Variants in SGK3 observed in about 807,000 individuals in gnomAD.
SGK3 encodes serine/threonine-protein kinase Sgk3.
In SGK3, 47 loss-of-function variants were observed where a neutral mutation model predicts 68.5. The observed-to-expected ratio is 0.69, with a 90% confidence interval of 0.54 to 0.87. The LOEUF is 0.87. SGK3 is among the 40% of genes least tolerant of loss of function. SGK3 has a pLI of 0.00. For synonymous variants in SGK3, 181 were observed against 189.1 expected (o/e 0.96, Z 0.35); for missense variants, 479 against 575.5 (o/e 0.83, Z 1.72).
intron 1 of SGK3, among the ~76,000 whole-genome samples, chr8:66,739,128 G>A (rs1161668137): frequency 6.6e-6 from 1 of 152,178 alleles, no homozygotes; most frequent in Non-Finnish European, 1.5e-5. Flanking sequence ...AAAGAAAAGA[G>A]AAACCTCTTT....
intron 1 of SGK3, among the ~76,000 whole-genome samples, chr8:66,747,023 T>A (rs1004774250): frequency 6.6e-6 from 1 of 151,988 alleles, no homozygotes; most frequent in African/African-American, 2.4e-5. Flanking sequence ...TAAAATCTAT[T>A]ATATAGATTT....
At chr8:66,748,010 T>C (rs1805700123) in intron 1 of SGK3, among the ~76,000 whole-genome samples, 1 of 152,184 alleles carries the variant, frequency 6.6e-6, no homozygotes. Flanking sequence ...ATGTTTCACT[T>C]TCCACATCTG....
chr8:66,857,636 C>A (rs112832123), intron 16 of SGK3, among the ~76,000 whole-genome samples: 1 of 152,044 alleles, frequency 6.6e-6, no homozygotes, highest in Non-Finnish European at 1.5e-5. Flanking sequence ...AAAAAATAAG[C>A]CAGGTATAGT....
At chr8:66,762,285 A>G (rs961662092) in intron 1 of SGK3, among the ~76,000 whole-genome samples, 2 of 152,262 alleles carry the variant, frequency 1.3e-5, no homozygotes, top group Middle Eastern at 3.4e-3. Flanking sequence ...AGACTTTTAA[A>G]AAACATAACA....
chr8:66,810,496 T>G (rs1227046487), intron 4 of SGK3, among the ~76,000 whole-genome samples: 2 of 151,966 alleles, frequency 1.3e-5, no homozygotes, highest in Non-Finnish European at 2.9e-5. Flanking sequence ...AGGTCAGGAG[T>G]TCTAGACCAG....
intron 10 of SGK3, among the ~76,000 whole-genome samples, chr8:66,836,713 A>G (rs939811789): frequency 5.0e-4 from 75 of 151,210 alleles, no homozygotes; most frequent in Non-Finnish European, 5.5e-4. Context: ...GTGATTCACA[A>G]TATGCCTCAG....
chr8:66,799,342 A>G (rs1346633140), intron 3 of SGK3, among the ~76,000 whole-genome samples: 3 of 152,176 alleles, frequency 2.0e-5, no homozygotes, highest in Non-Finnish European at 4.4e-5. Context: ...GGTACCAGTG[A>G]GCATGATTGC....
At chr8:66,777,273 A>T (rs539125866) in intron 1 of SGK3, among the ~76,000 whole-genome samples, 5 of 152,282 alleles carry the variant, frequency 3.3e-5, no homozygotes, top group Non-Finnish European at 7.4e-5. Flanking sequence ...TGATTGACTT[A>T]TTCATTATCT....
At chr8:66,819,519 A>G (rs1224197927) in intron 5 of SGK3, among the ~76,000 whole-genome samples, 1 of 152,238 alleles carries the variant, frequency 6.6e-6, no homozygotes, top group Non-Finnish European at 1.5e-5. Flanking sequence ...CATGTTATAT[A>G]TCATGTATCT....
intron 2 of SGK3, among the ~76,000 whole-genome samples, chr8:66,794,310 A>G (rs956371621): frequency 6.6e-6 from 1 of 152,222 alleles, no homozygotes; most frequent in Non-Finnish European, 1.5e-5. Flanking sequence ...AGTATCTACT[A>G]TAGGGCTTTA....
intron 1 of SGK3, among the ~76,000 whole-genome samples, chr8:66,717,550 G>A (rs1216008957): frequency 6.6e-6 from 1 of 151,984 alleles, no homozygotes; most frequent in African/African-American, 2.4e-5. Context: ...AAGAAAACTG[G>A]ATTTCATATG....
At chr8:66,785,271 A>C (rs1372429686) in intron 1 of SGK3, among the ~76,000 whole-genome samples, 1 of 152,226 alleles carries the variant, frequency 6.6e-6, no homozygotes, top group East Asian at 1.9e-4. Flanking sequence ...GGCTCACATG[A>C]GAGTGCTTTC....
chr8:66,801,223 C>T (rs942080304), intron 3 of SGK3, among the ~76,000 whole-genome samples: 7 of 152,110 alleles, frequency 4.6e-5, no homozygotes, highest in African/African-American at 1.7e-4. Flanking sequence ...AAATCTGAAA[C>T]GCCCCAGTGA....
chr8:66,769,179 A>G (rs997839483), intron 1 of SGK3, among the ~76,000 whole-genome samples: 5 of 152,088 alleles, frequency 3.3e-5, no homozygotes, highest in African/African-American at 1.2e-4. Flanking sequence ...AATTGCAAGT[A>G]TATTAGGCTG....
At chr8:66,821,507 C>T (rs575470730) in intron 5 of SGK3, among the ~76,000 whole-genome samples, 2 of 151,532 alleles carry the variant, frequency 1.3e-5, no homozygotes, top group South Asian at 4.2e-4. Context: ...TTTCACTGGA[C>T]CTGCACATAA....
chr8:66,811,524 A>C (rs1397082172), intron 4 of SGK3, among the ~76,000 whole-genome samples: 1 of 152,104 alleles, frequency 6.6e-6, no homozygotes, highest in Admixed American at 6.6e-5. Context: ...TGATCTAAAA[A>C]AGTAAGTTTG....
At chr8:66,791,122 A>C (rs1177008531) in intron 1 of SGK3, among the ~76,000 whole-genome samples, 3 of 152,184 alleles carry the variant, frequency 2.0e-5, no homozygotes, top group African/African-American at 7.2e-5. Context: ...AGGCCCTTCA[A>C]CTGTAGCTGT....
At chr8:66,715,146 A>G (rs1020770602) in intron 1 of SGK3, among the ~76,000 whole-genome samples, 11 of 152,248 alleles carry the variant, frequency 7.2e-5, no homozygotes, top group Non-Finnish European at 1.2e-4. Context: ...GGTTTTTGAA[A>G]AAGAAAATAG....
intron 3 of SGK3, 117 bp downstream of exon 3, chr8:66,798,742 A>G: frequency 2.3e-6 from 2 of 852,232 alleles, no homozygotes; most frequent in Non-Finnish European, 3.5e-6. Context: ...TCAGACAGGC[A>G]GACAAAGGTA....
Sources: allele counts gnomAD v4.1 joint callset (sites outside exome capture counted in the v4.1 genomes callset), GRCh38; gene constraint gnomAD v4.1.1; transcripts MANE v1.5; gene names NCBI Gene and HGNC (gene_info 2026-07-23, HGNC 2026-07-21).